The following RGS5 variants were observed in gnomAD, a reference collection of about 807,000 sequenced individuals.
RGS5 encodes regulator of G-protein signalling 5.
RGS5 carries 20 observed loss-of-function variants against 18.9 expected under a neutral mutation model. The ratio of observed to expected loss-of-function variants is 1.06; its 90% confidence interval spans 0.74 to 1.54. The LOEUF is 1.54. Among genes scored for constraint, RGS5 ranks in the 40% most tolerant of loss-of-function variants. The pLI is 0.00. For synonymous variants in RGS5, 57 were observed against 76.2 expected (o/e 0.75, Z 1.31); for missense variants, 201 against 211.8 (o/e 0.95, Z 0.32).
chr1:163,160,511 T>C (rs988142923), intron 3 of RGS5, among the ~76,000 whole-genome samples: 4 of 152,170 alleles, frequency 2.6e-5, no homozygotes, highest in African/African-American at 4.8e-5. Context: ...CAGGGTACTT[T>C]GTTTAGCACA....
intron 1 of RGS5, among the ~76,000 whole-genome samples, chr1:163,307,922 C>T (rs1200001771): frequency 6.6e-6 from 1 of 152,116 alleles, no homozygotes; most frequent in Non-Finnish European, 1.5e-5. Context: ...AAATAATGAG[C>T]AGTAACTGGC....
intron 1 of RGS5, among the ~76,000 whole-genome samples, chr1:163,201,871 C>T (rs180940047): frequency 6.6e-5 from 10 of 152,186 alleles, no homozygotes; most frequent in Middle Eastern, 3.4e-3. Flanking sequence ...CTTTAAATAA[C>T]GAGGGATCAA....
chr1:163,317,782 T>C (rs1336520921), intron 1 of RGS5, among the ~76,000 whole-genome samples: 1 of 152,196 alleles, frequency 6.6e-6, no homozygotes, highest in African/African-American at 2.4e-5. Flanking sequence ...CTATCTAGAA[T>C]ACTTGTTTTT....
At chr1:163,216,298 C>T (rs1660216569) in intron 1 of RGS5, among the ~76,000 whole-genome samples, 1 of 152,064 alleles carries the variant, frequency 6.6e-6, no homozygotes, top group Non-Finnish European at 1.5e-5. Context: ...GAGAGGGGGA[C>T]ATGAGGCACC....
chr1:163,281,498 C>T (rs1648990220), intron 2 of RGS5, among the ~76,000 whole-genome samples: 1 of 152,036 alleles, frequency 6.6e-6, no homozygotes, highest in Admixed American at 6.6e-5. Flanking sequence ...CTCCTTTAAA[C>T]AACCTGCTCT....
chr1:163,166,002 A>G (rs984557298), intron 2 of RGS5, among the ~76,000 whole-genome samples: 2 of 152,144 alleles, frequency 1.3e-5, no homozygotes, highest in Admixed American at 6.5e-5. Flanking sequence ...AGTTCGGGTG[A>G]GGTAGTAAGG....
At chr1:163,203,033 C>T (rs1303527177), upstream of RGS5, 1 of 553,948 alleles carries the variant, frequency 1.8e-6, no homozygotes, top group African/African-American at 1.9e-5. Context: ...GCAGTGGGCC[C>T]TGAGGTGGAG....
upstream of RGS5, among the ~76,000 whole-genome samples, chr1:163,206,458 G>A (rs544610408): frequency 1.3e-5 from 2 of 151,986 alleles, no homozygotes; most frequent in South Asian, 2.1e-4. Context: ...TAAGATTTTC[G>A]TGTATGGTAT....
intron 2 of RGS5, among the ~76,000 whole-genome samples, chr1:163,274,136 G>A (rs1023442813): frequency 1.3e-5 from 2 of 152,138 alleles, no homozygotes; most frequent in East Asian, 1.9e-4. Flanking sequence ...TGATAGGAGT[G>A]CCTTTGTAAT....
intron 2 of RGS5, among the ~76,000 whole-genome samples, chr1:163,251,758 T>C (rs540929391): frequency 1.3e-5 from 2 of 152,334 alleles, no homozygotes; most frequent in African/African-American, 4.8e-5. Context: ...AATGGAATCA[T>C]ACATACAATC....
chr1:163,193,121 G>A (rs944095112), intron 1 of RGS5, among the ~76,000 whole-genome samples: 1 of 152,142 alleles, frequency 6.6e-6, no homozygotes, highest in African/African-American at 2.4e-5. Context: ...ATTTCGTGTT[G>A]CTTTTCTTCT....
At chr1:163,250,594 G>C (rs1008546135) in intron 2 of RGS5, among the ~76,000 whole-genome samples, 2 of 152,176 alleles carry the variant, frequency 1.3e-5, no homozygotes, top group African/African-American at 4.8e-5. Flanking sequence ...TGCAAATCTT[G>C]ATGTGAACTT....
chr1:163,259,910 A>T (rs1648385338), intron 2 of RGS5: 1 of 152,276 alleles, frequency 6.6e-6, no homozygotes. Flanking sequence ...TAACATACTG[A>T]CTGTATCCTC....
intron 1 of RGS5, among the ~76,000 whole-genome samples, chr1:163,193,449 T>G (rs1173070913): frequency 1.3e-5 from 2 of 149,694 alleles, no homozygotes; most frequent in South Asian, 4.4e-4. Flanking sequence ...CTGAATGGAA[T>G]GCCTTGCAAA....
At chr1:163,311,890 C>T (rs369302493) in intron 1 of RGS5, among the ~76,000 whole-genome samples, 2 of 152,282 alleles carry the variant, frequency 1.3e-5, no homozygotes, top group East Asian at 3.9e-4. Context: ...TGTGGGGTTG[C>T]CACATACCTT....
At chr1:163,315,178 C>G (rs1649987990) in intron 1 of RGS5, among the ~76,000 whole-genome samples, 1 of 152,118 alleles carries the variant, frequency 6.6e-6, no homozygotes, top group Non-Finnish European at 1.5e-5. Context: ...AGTATTTTTC[C>G]TGAGAATCTC....
intron 2 of RGS5, among the ~76,000 whole-genome samples, chr1:163,263,806 T>G (rs903001275): frequency 1.3e-5 from 2 of 151,728 alleles, no homozygotes; most frequent in Admixed American, 1.3e-4. Flanking sequence ...GAAAGAGATA[T>G]GAACAATAAG....
intron 2 of RGS5, among the ~76,000 whole-genome samples, chr1:163,287,921 T>C (rs1649183773): frequency 6.6e-6 from 1 of 152,262 alleles, no homozygotes; most frequent in Admixed American, 6.5e-5. Context: ...AATTTAGTTG[T>C]AATTTGCACT....
intron 2 of RGS5, among the ~76,000 whole-genome samples, chr1:163,243,530 C>T (rs913868681): frequency 4.6e-5 from 7 of 151,004 alleles, no homozygotes; most frequent in African/African-American, 1.7e-4. Context: ...GCCTGTAGTC[C>T]CAGCTACTCG....
Sources: allele counts gnomAD v4.1 joint callset (sites outside exome capture counted in the v4.1 genomes callset), GRCh38; gene constraint gnomAD v4.1.1; transcripts MANE v1.5; gene names NCBI Gene and HGNC (gene_info 2026-07-23, HGNC 2026-07-21).